GABRB1: variants seen among roughly 807,000 people sequenced by gnomAD.
GABRB1 encodes gamma-aminobutyric acid type A receptor subunit beta1.
GABRB1 carries 17 observed loss-of-function variants against 51.6 expected under a neutral mutation model. The ratio of observed to expected loss-of-function variants is 0.33; its 90% CI spans 0.23 to 0.49. The LOEUF is 0.49. GABRB1 is among the 20% of genes least tolerant of loss of function. The probability of loss-of-function intolerance (pLI) is 0.99; values close to 1 mark genes in which losing one functional copy is unlikely to be tolerated. For missense variants in GABRB1, 410 were observed against 600.6 expected, an observed-to-expected ratio of 0.68 and a Z score of 3.32; for synonymous variants, 247 against 218.9, an observed-to-expected ratio of 1.13 and a Z score of -1.14.
intron 5 of GABRB1, among the ~76,000 whole-genome samples, chr4:47,341,746 T>C (rs1400359370): frequency 2.0e-5 from 3 of 152,246 alleles, no homozygotes; most frequent in Non-Finnish European, 4.4e-5. Context: ...AAATATTCCT[T>C]TCTTTGTTTA....
chr4:47,365,469 G>A (rs1726946063), intron 5 of GABRB1, among the ~76,000 whole-genome samples: 1 of 152,140 alleles, frequency 6.6e-6, no homozygotes, highest in African/African-American at 2.4e-5. Context: ...TTTGGGGTAA[G>A]GATTGTTTCT....
At chr4:47,329,933 A>G (rs1333045387) in intron 5 of GABRB1, among the ~76,000 whole-genome samples, 1 of 152,080 alleles carries the variant, frequency 6.6e-6, no homozygotes, top group Admixed American at 6.6e-5. Context: ...CGATCTCAAG[A>G]TCTACAGAGT....
chr4:47,003,832 A>C (rs1476638884), intron 1 of GABRB1, among the ~76,000 whole-genome samples: 1 of 152,244 alleles, frequency 6.6e-6, no homozygotes, highest in African/African-American at 2.4e-5. Flanking sequence ...CCTTAGGTCT[A>C]GGAAATTGGG....
At chr4:47,234,847 T>G (rs2109840149) in intron 4 of GABRB1, among the ~76,000 whole-genome samples, 1 of 152,320 alleles carries the variant, frequency 6.6e-6, no homozygotes, top group South Asian at 2.1e-4. Context: ...CAATTCACCC[T>G]TTAGCAGAAA....
At chr4:47,404,232 G>A (rs1026494947) in intron 7 of GABRB1, among the ~76,000 whole-genome samples, 41 of 152,174 alleles carry the variant, frequency 2.7e-4, no homozygotes, top group Non-Finnish European at 4.3e-4. Flanking sequence ...CAATTCATCA[G>A]CTATATTAAT....
chr4:47,312,374 A>C (rs1400115544), intron 4 of GABRB1, among the ~76,000 whole-genome samples: 2 of 151,914 alleles, frequency 1.3e-5, no homozygotes, highest in Non-Finnish European at 2.9e-5. Flanking sequence ...AAGATAATGC[A>C]AATTCTTTTC....
chr4:47,206,917 T>C (rs1317351998), intron 4 of GABRB1, among the ~76,000 whole-genome samples: 3 of 151,802 alleles, frequency 2.0e-5, no homozygotes, highest in Admixed American at 2.0e-4. Flanking sequence ...TTTATCAGGC[T>C]ACACCAGAAA....
chr4:47,285,647 C>T (rs1298830973), intron 4 of GABRB1, among the ~76,000 whole-genome samples: 1 of 152,160 alleles, frequency 6.6e-6, no homozygotes, highest in African/African-American at 2.4e-5. Flanking sequence ...GGCATACATT[C>T]AAATCCCTAC....
chr4:47,033,190 T>TA (rs1725412833), intron 3 of GABRB1, among the ~76,000 whole-genome samples: 1 of 152,182 alleles, frequency 6.6e-6, no homozygotes, highest in Non-Finnish European at 1.5e-5. Flanking sequence ...TAAGCATGCC[T>TA]AAAAATCCTG....
At chr4:47,376,313 G>C (rs1727372442) in intron 5 of GABRB1, among the ~76,000 whole-genome samples, 2 of 152,182 alleles carry the variant, frequency 1.3e-5, no homozygotes, top group Non-Finnish European at 1.5e-5. Context: ...GATCCTGTGA[G>C]ATAAAGGCCA....
chr4:47,320,101 TC>T (rs755812656), intron 4 of GABRB1, 25 bp from the exon 5 acceptor site: 11 of 1,452,854 alleles, frequency 7.6e-6, no homozygotes, highest in Non-Finnish European at 1.1e-5. Flanking sequence ...TGTAATGTTT[TC>T]TTTTTTCTCT....
chr4:47,017,688 A>C (rs1312311807), intron 1 of GABRB1, among the ~76,000 whole-genome samples: 3 of 152,058 alleles, frequency 2.0e-5, no homozygotes. Flanking sequence ...GAATCTCTGA[A>C]ATATTGTCAA....
At chr4:47,411,074 C>T (rs1202285411) in intron 8 of GABRB1, among the ~76,000 whole-genome samples, 1 of 152,050 alleles carries the variant, frequency 6.6e-6, no homozygotes, top group Non-Finnish European at 1.5e-5. Flanking sequence ...TAAAAAATTA[C>T]TAGACATAAG....
chr4:47,358,706 A>C (rs77338690), intron 5 of GABRB1, among the ~76,000 whole-genome samples: 7,178 of 152,242 alleles, frequency 0.047, 265 homozygotes, highest in South Asian at 0.15. Flanking sequence ...ACACAGTCAG[A>C]ATCTGAAGTT....
chr4:47,339,979 T>C (rs560468808), intron 5 of GABRB1, among the ~76,000 whole-genome samples: 1 of 152,318 alleles, frequency 6.6e-6, no homozygotes, highest in Admixed American at 6.5e-5. Flanking sequence ...AAGTGCTAAC[T>C]ATAACTTTGT....
chr4:47,071,017 T>C (rs916265997), intron 3 of GABRB1, among the ~76,000 whole-genome samples: 2 of 152,204 alleles, frequency 1.3e-5, no homozygotes, highest in African/African-American at 2.4e-5. Context: ...CCTAGACTTC[T>C]CGTCCTACAA....
At chr4:47,353,075 T>C (rs1726418977) in intron 5 of GABRB1, among the ~76,000 whole-genome samples, 2 of 152,088 alleles carry the variant, frequency 1.3e-5, no homozygotes, top group Admixed American at 1.3e-4. Flanking sequence ...ATAAGGAAGA[T>C]GCAAAAGCAG....
intron 4 of GABRB1, among the ~76,000 whole-genome samples, chr4:47,310,958 G>GTTC (rs1724646401): frequency 2.0e-5 from 3 of 151,046 alleles, no homozygotes; most frequent in African/African-American, 7.3e-5. Context: ...GAGACCAGGA[G>GTTC]GCTGAGGCAG....
chr4:47,378,714 G>A (rs957392754), intron 5 of GABRB1, among the ~76,000 whole-genome samples: 1 of 152,182 alleles, frequency 6.6e-6, no homozygotes, highest in Non-Finnish European at 1.5e-5. Flanking sequence ...TCAAACTCCT[G>A]ACCTCAGGTG....
Sources: allele counts gnomAD v4.1 joint callset (sites outside exome capture counted in the v4.1 genomes callset), GRCh38; gene constraint gnomAD v4.1.1; transcripts MANE v1.5; gene names NCBI Gene and HGNC (gene_info 2026-07-23, HGNC 2026-07-21).